The following RALGAPA1 variants were observed in gnomAD, a reference collection of about 807,000 sequenced individuals.
RALGAPA1 encodes Ral GTPase activating protein catalytic subunit alpha 1.
RALGAPA1 carries 52 observed loss-of-function variants against 269.6 expected under a neutral mutation model. That is an observed-to-expected ratio of 0.19 (90% confidence interval 0.15 to 0.24). RALGAPA1 has a LOEUF of 0.24. Among genes scored for constraint, RALGAPA1 ranks in the 10% least tolerant of loss-of-function variants. The pLI is 1.00. For synonymous variants in RALGAPA1, 817 were observed against 1,008.3 expected (o/e 0.81, Z 3.60); for missense variants, 1,917 against 3,013.9 (o/e 0.64, Z 8.52).
intron 1 of RALGAPA1, among the ~76,000 whole-genome samples, chr14:35,787,183 T>A (rs2075857490): frequency 1.3e-5 from 2 of 152,256 alleles, no homozygotes; most frequent in African/African-American, 4.8e-5. Flanking sequence ...GCACTGTATC[T>A]ATTTATTCAA....
chr14:35,733,721 A>T (rs986485245), intron 12 of RALGAPA1, among the ~76,000 whole-genome samples: 1 of 152,156 alleles, frequency 6.6e-6, no homozygotes, highest in African/African-American at 2.4e-5. Context: ...AATAACCAAG[A>T]TCAGAGCAGA....
intron 35 of RALGAPA1, among the ~76,000 whole-genome samples, chr14:35,616,074 G>C (rs1202385067): frequency 6.6e-6 from 1 of 152,052 alleles, no homozygotes; most frequent in Non-Finnish European, 1.5e-5. Flanking sequence ...AGAAGAGACA[G>C]AGTTGAGAGA....
intron 7 of RALGAPA1, among the ~76,000 whole-genome samples, chr14:35,755,604 A>G (rs1176898895): frequency 6.6e-6 from 1 of 152,214 alleles, no homozygotes; most frequent in Non-Finnish European, 1.5e-5. Flanking sequence ...GATGATCATA[A>G]CACCTGCCCA....
intron 35 of RALGAPA1, among the ~76,000 whole-genome samples, chr14:35,607,998 T>A (rs1215081426): frequency 6.6e-6 from 1 of 152,024 alleles, no homozygotes; most frequent in East Asian, 1.9e-4. Context: ...CAAAACAAGG[T>A]AAATCCTCAC....
chr14:35,736,491 A>G (rs376726483), intron 12 of RALGAPA1, among the ~76,000 whole-genome samples: 63 of 152,184 alleles, frequency 4.1e-4, no homozygotes, highest in African/African-American at 1.4e-3. Context: ...GGGCACTTCA[A>G]CATGAAAAGG....
chr14:35,547,543 G>A lies in RALGAPA1; in HGVS notation c.*23+965C>T, dbSNP rs563536038. ...TATGGCTTGACTATAGGATACACAAGTGTTATTCATATCTCTTTTAATATA... is the reference window on the plus strand; with the variant it reads ...TATGGCTTGACTATAGGATACACAAATGTTATTCATATCTCTTTTAATATA... On this transcript the variant is annotated intron_variant, in intron 41 of 41. Coordinates refer to ENST00000680220, the MANE Select transcript of RALGAPA1 (RefSeq NM_001346249.2). Among the ~76,000 whole-genome samples, 19 of 152,230 alleles carry A rather than the reference G, an allele frequency of 1.2e-4. No homozygotes were observed. In the East Asian group the frequency reaches 2.5e-3, roughly 20 times the overall value.
At chr14:35,659,289 G>A in intron 27 of RALGAPA1, 93 bp from the exon 28 acceptor site, 1 of 837,710 alleles carries the variant, frequency 1.2e-6, no homozygotes, top group Middle Eastern at 3.0e-4. Context: ...AGCAGTCTTT[G>A]TTCTCATGTA....
intron 7 of RALGAPA1, among the ~76,000 whole-genome samples, chr14:35,752,856 T>C (rs2072848458): frequency 6.6e-6 from 1 of 152,086 alleles, no homozygotes. Flanking sequence ...AATAAGTATA[T>C]ATACTAAGAA....
intron 22 of RALGAPA1, 158 bp downstream of exon 22, chr14:35,677,792 C>T (rs1364349236): frequency 3.1e-6 from 2 of 651,524 alleles, no homozygotes; most frequent in Admixed American, 3.4e-5. Flanking sequence ...TCTTTAAGAA[C>T]AAGAAAAAAG....
intron 35 of RALGAPA1, among the ~76,000 whole-genome samples, chr14:35,621,916 G>A (rs948089895): frequency 6.6e-6 from 1 of 152,166 alleles, no homozygotes; most frequent in African/African-American, 2.4e-5. Flanking sequence ...ACTGTTGGTG[G>A]GAGTGTAAAT....
chr14:35,681,269 A>G (rs1352998955), intron 21 of RALGAPA1, among the ~76,000 whole-genome samples: 1 of 152,230 alleles, frequency 6.6e-6, no homozygotes, highest in Non-Finnish European at 1.5e-5. Flanking sequence ...CTAAACAGAA[A>G]CAAATACAAC....
chr14:35,659,449 A>G (rs905128360), intron 27 of RALGAPA1, among the ~76,000 whole-genome samples: 1 of 152,148 alleles, frequency 6.6e-6, no homozygotes, highest in Admixed American at 6.5e-5. Flanking sequence ...AGTAGAATTA[A>G]TAGCTCATAG....
chr14:35,651,673 G>T (rs1365742462), intron 31 of RALGAPA1, 132 bp downstream of exon 31: 2 of 677,772 alleles, frequency 3.0e-6, no homozygotes, highest in African/African-American at 1.9e-5. Context: ...TAACAGAAAG[G>T]CATTTCACAT....
chr14:35,637,690 A>G (rs1415441890), intron 31 of RALGAPA1, among the ~76,000 whole-genome samples: 1 of 152,226 alleles, frequency 6.6e-6, no homozygotes, highest in African/African-American at 2.4e-5. Context: ...AAACCCAGAG[A>G]AAGATATGAA....
chr14:35,793,396 C>T (rs1290945005), intron 1 of RALGAPA1, among the ~76,000 whole-genome samples: 1 of 152,014 alleles, frequency 6.6e-6, no homozygotes, highest in Admixed American at 6.6e-5. Flanking sequence ...CACCACCATG[C>T]CCGACTAATT....
chr14:35,657,862 G>C (rs2063302427), intron 28 of RALGAPA1, among the ~76,000 whole-genome samples: 1 of 151,954 alleles, frequency 6.6e-6, no homozygotes, highest in Admixed American at 6.6e-5. Flanking sequence ...CTGGGTTCTA[G>C]TTTTCTTTTC....
intron 31 of RALGAPA1, among the ~76,000 whole-genome samples, chr14:35,641,368 T>G (rs1432622947): frequency 6.6e-6 from 1 of 152,156 alleles, no homozygotes; most frequent in Non-Finnish European, 1.5e-5. Context: ...AAATAACTAT[T>G]AGAACTGATA....
intron 18 of RALGAPA1, among the ~76,000 whole-genome samples, chr14:35,687,386 G>A (rs192885110): frequency 6.6e-6 from 1 of 152,188 alleles, no homozygotes; most frequent in African/African-American, 2.4e-5. Context: ...AGGAAAATGA[G>A]CACTGTTTAT....
At chr14:35,769,762 G>T (rs1164251894) in intron 4 of RALGAPA1, among the ~76,000 whole-genome samples, 1 of 152,084 alleles carries the variant, frequency 6.6e-6, no homozygotes, top group African/African-American at 2.4e-5. Flanking sequence ...AACTGACTCA[G>T]AGAGATATAT....
Sources: allele counts gnomAD v4.1 joint callset (sites outside exome capture counted in the v4.1 genomes callset), GRCh38; gene constraint gnomAD v4.1.1; transcripts MANE v1.5; gene names NCBI Gene and HGNC (gene_info 2026-07-23, HGNC 2026-07-21).